Variants in ABLIM1 observed in about 807,000 individuals in gnomAD.
ABLIM1 encodes the protein actin-binding LIM protein 1.
In ABLIM1, 40 loss-of-function variants were observed where a neutral mutation model predicts 107.0. The ratio of observed to expected loss-of-function variants is 0.37; its 90% CI spans 0.29 to 0.49. The LOEUF (loss-of-function observed/expected upper bound fraction) is 0.49, where lower values mean the gene tolerates loss of function less well. ABLIM1 is among the 20% of genes least tolerant of loss of function. ABLIM1 has a pLI of 0.97. For synonymous variants in ABLIM1, 357 were observed against 357.3 expected, an observed-to-expected ratio of 1.00 and a Z score of 0.01; for missense variants, 857 against 1,008.5, an observed-to-expected ratio of 0.85 and a Z score of 2.04.
rs982413541 is a variant in ABLIM1, at chr10:114,441,029, C to T, written c.2047G>A (p.Gly683Arg). 2.5e-6 allele frequency: 4 copies of T among 1,589,842 alleles called. No homozygotes were observed. The highest frequency in any genetic ancestry group is 2.7e-5 in the African/African-American group (2 of 74,602). The change falls in exon 19 of 23, where the codon GGG (glycine) becomes AGG (arginine). Residue 683 changes from glycine to arginine, a missense_variant. Gly to Arg is a moderately radical substitution (Grantham distance 125). Transcript: ENST00000533213. ...ATGGGAGCCTCACCTCGCACTCCCC[C>T]GCTGACATCCCCATAGCTGTTATAC... ...AQYNSYGDVS[G>R]GVRDYQTLPD...
intron 1 of ABLIM1, among the ~76,000 whole-genome samples, chr10:114,616,220 A>C (rs1366503874): frequency 2.6e-5 from 4 of 152,206 alleles, no homozygotes; most frequent in Non-Finnish European, 2.9e-5. Flanking sequence ...CTTATAATGC[A>C]TGATGGTAAT....
At chr10:114,458,851 C>T (rs755721250) in intron 12 of ABLIM1, among the ~76,000 whole-genome samples, 10 of 152,028 alleles carry the variant, frequency 6.6e-5, no homozygotes, top group Non-Finnish European at 1.0e-4. Flanking sequence ...AAACGAAGCC[C>T]GAAACAAAGC....
intron 1 of ABLIM1, among the ~76,000 whole-genome samples, chr10:114,711,167 T>C (rs1039862710): frequency 2.0e-5 from 3 of 152,254 alleles, no homozygotes; most frequent in African/African-American, 7.2e-5. Context: ...ATCTTATTTC[T>C]GGTTGTTACA....
chr10:114,612,419 T>A (rs2076869138), intron 1 of ABLIM1, among the ~76,000 whole-genome samples: 1 of 152,142 alleles, frequency 6.6e-6, no homozygotes, highest in Non-Finnish European at 1.5e-5. Context: ...AGAAATAAAT[T>A]CTGTTTCTTT....
Position 114,473,903 on chromosome 10 carries a change from A to G in ABLIM1, c.1095T>C (p.Pro365=). 6.2e-7 allele frequency: 1 copy of G among 1,613,682 alleles called. No individual in the cohort carries two copies. The highest frequency in any genetic ancestry group is 8.5e-7 in the Non-Finnish European group (1 of 1,179,622). The change falls in exon 9 of 23, where the codon CCT becomes CCC. Residue 365 remains proline (P), a synonymous_variant. Coordinates refer to ENST00000533213, the MANE Select transcript of ABLIM1 (RefSeq NM_002313.7). ...CATAGATAGTATGACCTGGTGAGCCAGGAATACTGGAGCCTGGCCTAGAAT... is the reference window on the plus strand; with the variant it reads ...CATAGATAGTATGACCTGGTGAGCCGGGAATACTGGAGCCTGGCCTAGAAT... ...SIYSRPGSSI[P]GSPGHTIYAK...
At chr10:114,476,943 T>C (rs930124591) in intron 8 of ABLIM1, among the ~76,000 whole-genome samples, 1 of 152,080 alleles carries the variant, frequency 6.6e-6, no homozygotes, top group Non-Finnish European at 1.5e-5. Context: ...ACTTACTACG[T>C]GGAAGCCCTG....
chr10:114,501,728 G>A (rs954048281), intron 6 of ABLIM1, among the ~76,000 whole-genome samples: 12 of 152,190 alleles, frequency 7.9e-5, no homozygotes. Flanking sequence ...GGTGGAACCT[G>A]CAGAGAGTTC....
intron 4 of ABLIM1, among the ~76,000 whole-genome samples, chr10:114,565,035 A>C (rs1266969928): frequency 1.3e-5 from 2 of 152,238 alleles, no homozygotes. Context: ...AGATATAGAA[A>C]GATTGATTTC....
At chr10:114,523,863 C>T (rs868867501) in intron 6 of ABLIM1, among the ~76,000 whole-genome samples, 2 of 152,102 alleles carry the variant, frequency 1.3e-5, no homozygotes, top group Non-Finnish European at 2.9e-5. Context: ...GGCAAATAGA[C>T]CTAAAATGCT....
intron 1 of ABLIM1, among the ~76,000 whole-genome samples, chr10:114,622,390 A>G (rs765455203): frequency 2.2e-4 from 34 of 151,850 alleles, no homozygotes; most frequent in Admixed American, 7.9e-4. Context: ...CTGGGACTAC[A>G]GGCACACACC....
intron 1 of ABLIM1, among the ~76,000 whole-genome samples, chr10:114,664,499 T>C (rs1397556019): frequency 1.3e-5 from 2 of 152,196 alleles, no homozygotes; most frequent in African/African-American, 4.8e-5. Flanking sequence ...TTTAATTTTC[T>C]GTCTTTTTAA....
Position 114,448,852 on chromosome 10 carries a change from C to T in ABLIM1, c.1595-832G>A, listed in dbSNP as rs148660141. Among the ~76,000 whole-genome samples, 994 of 152,240 alleles carry T rather than the reference C, an allele frequency of 6.5e-3. 13 individuals carry two copies. Among genetic ancestry groups the T allele is most frequent in the African/African-American group, 0.023 (950 of 41,538 alleles). ...CTCGAACTCCTGACCTCAGGTGATT[C>T]GCCCACCATGGCCTCCCAAAGTGCT... On this transcript the variant is annotated intron_variant, in intron 14 of 22. Transcript: ENST00000533213.
rs180791156 is a variant in ABLIM1, at chr10:114,503,066, T to C, written c.895-11188A>G. 1.6e-3 allele frequency among the ~76,000 whole-genome samples: 247 copies of C among 152,328 alleles called. 2 individuals are homozygous for C. The highest frequency in any genetic ancestry group is 3.4e-4 in the Non-Finnish European group (23 of 68,016). On this transcript the variant is annotated intron_variant, in intron 6 of 22. Transcript: ENST00000533213. Reference sequence around the variant, plus strand: ...TGAGAATTATCCATGTTAGTGTGTGTAGTCATACTTCACTAAATCTCAATT... The same window carrying C: ...TGAGAATTATCCATGTTAGTGTGTGCAGTCATACTTCACTAAATCTCAATT...
intron 1 of ABLIM1, among the ~76,000 whole-genome samples, chr10:114,704,162 C>A (rs1265985155): frequency 6.6e-6 from 1 of 151,400 alleles, no homozygotes; most frequent in Non-Finnish European, 1.5e-5. Context: ...TGTCTAAATT[C>A]AGCTGGCCAC....
At chr10:114,547,902 G>T in intron 4 of ABLIM1, 126 bp from the exon 5 acceptor site, 1 of 1,298,938 alleles carries the variant, frequency 7.7e-7, no homozygotes, top group Non-Finnish European at 1.0e-6. Flanking sequence ...GCACCATCTC[G>T]GGTCAGTTTC....
chr10:114,571,113 T>C (rs762442261), intron 4 of ABLIM1, among the ~76,000 whole-genome samples, 184 bp downstream of exon 4: 81 of 152,372 alleles, frequency 5.3e-4, no homozygotes, highest in Non-Finnish European at 3.4e-4. Context: ...TGATGACTTA[T>C]AACATTGAGC....
chr10:114,557,545 A>G lies in ABLIM1; in HGVS notation c.674-9769T>C, dbSNP rs941488533. 4.5e-4 allele frequency among the ~76,000 whole-genome samples: 68 copies of G among 152,244 alleles called. 1 individual carries two copies. The highest frequency in any genetic ancestry group is 1.6e-3 in the African/African-American group (67 of 41,550). On this transcript the variant is annotated intron_variant, in intron 4 of 22. Transcript: ENST00000533213. Reference sequence around the variant, plus strand: ...ACTTAGAGTTTTAGTTACTTTGGTCATAGTTTTCATAAATAGAGGCCATTG... The same window carrying G: ...ACTTAGAGTTTTAGTTACTTTGGTCGTAGTTTTCATAAATAGAGGCCATTG...
intron 1 of ABLIM1, among the ~76,000 whole-genome samples, chr10:114,674,995 C>A (rs1268099651): frequency 1.3e-5 from 2 of 152,086 alleles, no homozygotes; most frequent in African/African-American, 4.8e-5. Flanking sequence ...CTTTCCATGG[C>A]CATCATATAA....
At chr10:114,600,032 T>C (rs183612292) in intron 2 of ABLIM1, among the ~76,000 whole-genome samples, 35 of 152,228 alleles carry the variant, frequency 2.3e-4, no homozygotes, top group African/African-American at 8.2e-4. Context: ...TATATTAATA[T>C]ACAATTATCT....
Sources: gnomAD v4.1 joint callset for allele counts (sites outside exome capture counted in the v4.1 genomes callset) on GRCh38, gnomAD v4.1.1 for gene constraint, MANE v1.5 for transcripts, NCBI Gene and HGNC (gene_info 2026-07-23, HGNC 2026-07-21) for gene names.